PTPRN2: variants seen among roughly 807,000 people sequenced by gnomAD.
PTPRN2 encodes receptor-type tyrosine-protein phosphatase N2.
A neutral mutation model predicts 118.8 loss-of-function variants in PTPRN2; 74 were observed. The observed-to-expected ratio is 0.62, with a 90% confidence interval of 0.52 to 0.76. The LOEUF (loss-of-function observed/expected upper bound fraction) is 0.76, where lower values mean the gene tolerates loss of function less well. Among genes scored for constraint, PTPRN2 ranks in the 30% least tolerant of loss-of-function variants. The pLI is 0.00. For missense variants in PTPRN2, 1,481 were observed against 1,394.4 expected, an observed-to-expected ratio of 1.06 and a Z score of -0.99; for synonymous variants, 641 against 608.0, an observed-to-expected ratio of 1.05 and a Z score of -0.80.
At chr7:158,511,167 G>A (rs1021100457) in intron 1 of PTPRN2, among the ~76,000 whole-genome samples, 14 of 152,146 alleles carry the variant, frequency 9.2e-5, no homozygotes, top group Non-Finnish European at 1.5e-4. Context: ...AACCTCCTCC[G>A]TGTCTACCCT....
intron 12 of PTPRN2, among the ~76,000 whole-genome samples, chr7:157,697,203 A>G (rs1298695435): frequency 1.7e-3 from 68 of 40,588 alleles, no homozygotes; most frequent in East Asian, 2.4e-3. Flanking sequence ...AGCCCTCACC[A>G]TCTACCCATG....
intron 12 of PTPRN2, among the ~76,000 whole-genome samples, chr7:157,745,244 G>A (rs1348873117): frequency 6.6e-6 from 1 of 152,202 alleles, no homozygotes; most frequent in Non-Finnish European, 1.5e-5. Flanking sequence ...GCCCTGCCCA[G>A]GTCCTTCTGT....
At chr7:158,262,228 A>G (rs111406083) in intron 3 of PTPRN2, among the ~76,000 whole-genome samples, 293 of 152,318 alleles carry the variant, frequency 1.9e-3, no homozygotes, top group African/African-American at 6.7e-3. Context: ...ACACACTTGC[A>G]TGGACACACA....
chr7:158,313,609 A>G (rs550554329), intron 3 of PTPRN2, among the ~76,000 whole-genome samples: 9 of 151,772 alleles, frequency 5.9e-5, no homozygotes, highest in Admixed American at 5.9e-4. Context: ...GCTGCCTGGG[A>G]CCCCCCTATC....
At chr7:157,980,860 G>T (rs1025137554) in intron 11 of PTPRN2, among the ~76,000 whole-genome samples, 4 of 152,326 alleles carry the variant, frequency 2.6e-5, no homozygotes, top group Non-Finnish European at 4.4e-5. Flanking sequence ...AGGAAACCCA[G>T]GCTTAAAGAA....
chr7:157,755,116 G>A (rs1801702180), intron 12 of PTPRN2, among the ~76,000 whole-genome samples: 1 of 152,152 alleles, frequency 6.6e-6, no homozygotes, highest in South Asian at 2.1e-4. Flanking sequence ...AAACTCCTGG[G>A]CTCAGCAATC....
At chr7:157,839,714 CTG>C (rs1332655405) in intron 12 of PTPRN2, among the ~76,000 whole-genome samples, 3 of 150,566 alleles carry the variant, frequency 2.0e-5, no homozygotes, top group Non-Finnish European at 3.0e-5. Flanking sequence ...GAGTGCATGT[CTG>C]TGTGACTGTG....
chr7:158,138,560 T>A, intron 6 of PTPRN2, 45 bp from the exon 7 acceptor site: 1 of 1,576,238 alleles, frequency 6.3e-7, no homozygotes, highest in Non-Finnish European at 8.6e-7. Flanking sequence ...GGTGGACGAA[T>A]GCAAAGGTGA....
At chr7:158,516,823 T>C (rs553833238) in intron 1 of PTPRN2, among the ~76,000 whole-genome samples, 1 of 152,000 alleles carries the variant, frequency 6.6e-6, no homozygotes, top group South Asian at 2.1e-4. Flanking sequence ...CTCTTGCCTA[T>C]TGTTCTTGGT....
chr7:158,062,176 C>A (rs1226279542), intron 11 of PTPRN2, among the ~76,000 whole-genome samples: 1 of 152,264 alleles, frequency 6.6e-6, no homozygotes, highest in East Asian at 1.9e-4. Context: ...CGCATCAGCT[C>A]ACAGCAGAGG....
At chr7:158,070,901 A>AGGTGCTCACG (rs1811320882) in intron 11 of PTPRN2, among the ~76,000 whole-genome samples, 1 of 23,900 alleles carries the variant, frequency 4.2e-5, no homozygotes, top group Non-Finnish European at 7.2e-5. Flanking sequence ...TGCCCATGGT[A>AGGTGCTCACG]GTGGAGGTGC....
At chr7:158,240,516 C>T (rs1250943042) in intron 3 of PTPRN2, among the ~76,000 whole-genome samples, 1 of 152,180 alleles carries the variant, frequency 6.6e-6, no homozygotes, top group Admixed American at 6.5e-5. Flanking sequence ...GCAACCACTG[C>T]CTCCTGGGGT....
chr7:157,866,937 C>T (rs111529103), intron 12 of PTPRN2, among the ~76,000 whole-genome samples: 11 of 99,186 alleles, frequency 1.1e-4, no homozygotes, highest in African/African-American at 4.0e-4. Flanking sequence ...CACCACCCCG[C>T]CCCCGACGCC....
At chr7:158,193,185 A>G (rs1271598164) in intron 4 of PTPRN2, among the ~76,000 whole-genome samples, 1 of 152,128 alleles carries the variant, frequency 6.6e-6, no homozygotes, top group Non-Finnish European at 1.5e-5. Flanking sequence ...TGTGGTGCCC[A>G]CCCTGCTGAG....
intron 2 of PTPRN2, among the ~76,000 whole-genome samples, chr7:158,320,972 A>T (rs1358474611): frequency 1.3e-5 from 2 of 152,194 alleles, no homozygotes; most frequent in African/African-American, 4.8e-5. Context: ...AGAATTTTGA[A>T]ACTATTGCTT....
intron 12 of PTPRN2, among the ~76,000 whole-genome samples, chr7:157,793,310 G>T (rs1804641246): frequency 6.6e-6 from 1 of 152,196 alleles, no homozygotes; most frequent in South Asian, 2.1e-4. Flanking sequence ...GGCAGAGGTT[G>T]GTCTCCATGT....
chr7:158,152,006 T>G (rs987503152), intron 6 of PTPRN2, among the ~76,000 whole-genome samples: 163 of 151,972 alleles, frequency 1.1e-3, no homozygotes, highest in African/African-American at 3.5e-3. Flanking sequence ...ACCCCGTCTC[T>G]ACTAAAAATA....
At chr7:158,062,662 C>T (rs946479436) in intron 11 of PTPRN2, among the ~76,000 whole-genome samples, 10 of 152,120 alleles carry the variant, frequency 6.6e-5, no homozygotes, top group Admixed American at 6.5e-5. Flanking sequence ...GCCCCACACT[C>T]GGAGCTGCCA....
At chr7:158,150,296 G>C (rs1820840851) in intron 6 of PTPRN2, among the ~76,000 whole-genome samples, 1 of 152,214 alleles carries the variant, frequency 6.6e-6, no homozygotes, top group Admixed American at 6.5e-5. Flanking sequence ...TCTGCTAAAG[G>C]CTAACGTAAC....
Sources: allele counts gnomAD v4.1 joint callset (sites outside exome capture counted in the v4.1 genomes callset), GRCh38; gene constraint gnomAD v4.1.1; transcripts MANE v1.5; gene names NCBI Gene and HGNC (gene_info 2026-07-23, HGNC 2026-07-21).